Variants in BBOF1 observed in about 807,000 individuals in gnomAD.
BBOF1 encodes the protein basal body-orientation factor 1.
BBOF1 carries 62 observed loss-of-function variants against 68.0 expected under a neutral mutation model. The observed-to-expected ratio is 0.91, with a 90% CI of 0.74 to 1.13. The LOEUF (loss-of-function observed/expected upper bound fraction) is 1.13, where lower values mean the gene tolerates loss of function less well. Ranked by LOEUF, BBOF1 falls within the 50% of genes most tolerant of loss-of-function variation. The probability of loss-of-function intolerance (pLI) is 0.00; values close to 1 mark genes in which losing one functional copy is unlikely to be tolerated. For synonymous variants in BBOF1, 208 were observed against 198.8 expected (o/e 1.05, Z -0.39); for missense variants, 534 against 600.1 (o/e 0.89, Z 1.15).
intron 8 of BBOF1, 52 bp from the exon 9 acceptor site, chr14:74,055,532 C>T (rs941701159): frequency 6.1e-6 from 7 of 1,147,488 alleles, no homozygotes; most frequent in Non-Finnish European, 9.2e-6. Context: ...GAAGAGAAGC[C>T]TATTTGACCG....
intron 11 of BBOF1, among the ~76,000 whole-genome samples, chr14:74,061,596 G>A (rs899103124): frequency 6.6e-6 from 1 of 152,102 alleles, no homozygotes; most frequent in Admixed American, 6.6e-5. Flanking sequence ...AAAGTTCTGG[G>A]ATCACAGGCA....
In BBOF1 at chr14:74,029,235, GAGA is replaced by G; in HGVS notation, c.340_342del (p.Lys114del). ...TGAAACAAAGGAAAAAGCCCAAGAG[GAGA>G]AGGATAAATTGGTGAGTTATCTATG... On this transcript the variant is annotated inframe_deletion, in exon 3 of 12. Transcript: ENST00000394009. 1 of 1,560,180 alleles carries G rather than the reference GAGA, an allele frequency of 6.4e-7. No homozygotes were observed. Among genetic ancestry groups the G allele is most frequent in the African/African-American group, 1.4e-5 (1 of 73,806 alleles).
chr14:74,054,678 C>CTTTTT (rs551602396), intron 8 of BBOF1, among the ~76,000 whole-genome samples: 1 of 119,192 alleles, frequency 8.4e-6, no homozygotes, highest in Non-Finnish European at 1.7e-5. Context: ...CACCCAGGCT[C>CTTTTT]TTTTTTTTTT....
At chr14:74,034,309 G>T (rs2059647758) in intron 4 of BBOF1, 138 bp downstream of exon 4, 1 of 583,454 alleles carries the variant, frequency 1.7e-6, no homozygotes, top group Middle Eastern at 4.8e-4. Context: ...AGAGAAAAAG[G>T]AGAAGACAGA....
chr14:74,067,657 T>C, downstream of BBOF1: 1 of 1,376,054 alleles, frequency 7.3e-7, no homozygotes, highest in Non-Finnish European at 1.0e-6. Flanking sequence ...GTGTGGTGGC[T>C]AATGCCTGTA....
intron 2 of BBOF1, among the ~76,000 whole-genome samples, chr14:74,028,467 T>TACAC (rs34677110): frequency 0.04 from 5,523 of 138,194 alleles, 133 homozygotes; most frequent in African/African-American, 0.063. Context: ...ACTAAAGAAA[T>TACAC]ACACACACAC....
In BBOF1 at chr14:74,034,051, T is replaced by A; in HGVS notation, c.375T>A (p.Ile125=). ...AGGAACAAAAGTATACCAGGCAAAT[T>A]AATGAACTAGAGGGACAGTTCCATC... The part of the protein sequence containing the change: ...DKLEQKYTRQ[I]NELEGQFHQK... Residue 125 remains isoleucine, a synonymous_variant, in exon 4 of 12, where the codon ATT becomes ATA. Transcript: ENST00000394009. The A allele has an allele frequency of 6.3e-7, 1 of 1,599,256 alleles. No homozygotes were observed. The highest frequency in any genetic ancestry group is 1.1e-5 in the South Asian group (1 of 87,606).
intron 9 of BBOF1, among the ~76,000 whole-genome samples, chr14:74,077,069 T>C (rs1280364234): frequency 6.6e-6 from 1 of 152,152 alleles, no homozygotes; most frequent in East Asian, 1.9e-4. Context: ...AGATAGTCCT[T>C]CCAAATACCT....
intron 11 of BBOF1, among the ~76,000 whole-genome samples, chr14:74,061,253 C>T (rs1237994013): frequency 2.0e-5 from 3 of 152,004 alleles, no homozygotes; most frequent in African/African-American, 7.2e-5. Flanking sequence ...GCTGGAATTA[C>T]AAGTGTGAGC....
chr14:74,068,086 T>C (rs1283540812), downstream of BBOF1, among the ~76,000 whole-genome samples: 4 of 151,108 alleles, frequency 2.6e-5, no homozygotes, highest in African/African-American at 9.7e-5. Flanking sequence ...CCTCTTGATG[T>C]AGAATTTCAA....
At chr14:74,027,082 C>CTT (rs1189972161) in intron 2 of BBOF1, among the ~76,000 whole-genome samples, 1,872 of 88,214 alleles carry the variant, frequency 0.021, 26 homozygotes, top group East Asian at 0.04. Context: ...GAAAGGAAGC[C>CTT]TTTTTTTTTT....
chr14:74,037,249 A>G (rs2059725609), intron 4 of BBOF1, among the ~76,000 whole-genome samples: 2 of 138,004 alleles, frequency 1.4e-5, no homozygotes, highest in African/African-American at 5.4e-5. Flanking sequence ...CTGGGATTAC[A>G]GGTGTGAACC....
chr14:74,047,735 A>C (rs1042517914), intron 6 of BBOF1, among the ~76,000 whole-genome samples, 195 bp from the exon 7 acceptor site: 2 of 152,158 alleles, frequency 1.3e-5, no homozygotes, highest in African/African-American at 4.8e-5. Context: ...CACTGCATTC[A>C]GCCATTTTCA....
chr14:74,049,865 TAGAGAACCAAGCAGGTC>T lies in BBOF1; in HGVS notation c.959_975del (p.Glu320GlyfsTer4). 1 of 1,614,028 alleles carries T rather than the reference TAGAGAACCAAGCAGGTC, an allele frequency of 6.2e-7. No individual in the cohort carries two copies. Among genetic ancestry groups the T allele is most frequent in the Non-Finnish European group, 8.5e-7 (1 of 1,180,002 alleles). On this transcript the variant is annotated frameshift_variant, in exon 8 of 12. Coordinates refer to ENST00000394009, the MANE Select transcript of BBOF1 (RefSeq NM_025057.3). LOFTEE classifies it high-confidence loss of function. The stretch of plus-strand genomic sequence containing the variant: ...TTAAAACTGCAGCAACACGCAATGA[TAGAGAACCAAGCAGGTC>T]AGGTAGAAATTGACAAGCTGCAGCA...
At chr14:74,030,261 C>A (rs948017091) in intron 3 of BBOF1, among the ~76,000 whole-genome samples, 2 of 151,914 alleles carry the variant, frequency 1.3e-5, no homozygotes, top group African/African-American at 4.8e-5. Flanking sequence ...CTATATTGCC[C>A]AGGCTGGTCT....
rs1006631718 is a variant in BBOF1 at position 74,040,439 on chromosome 14, G to A, written c.496-126G>A. The A allele has an allele frequency of 1.3e-5, 8 of 613,914 alleles. No individual in the cohort carries two copies. The East Asian group carries it at 2.4e-4, about 18-fold the overall frequency. The allele number at this position is 613,914 out of a possible 1,614,324, so 38.0% of individuals were successfully genotyped here. On this transcript the variant is annotated intron_variant, in intron 4 of 11. Coordinates refer to ENST00000394009, the MANE Select transcript of BBOF1 (RefSeq NM_025057.3). ...GGAGGCAGGAACACAGATTTTTTCT[G>A]TGTGTTCAGGATTAAGAGGTAACAT...
At chr14:74,066,801 C>T (rs2060473915), downstream of BBOF1, 5 of 1,613,992 alleles carry the variant, frequency 3.1e-6, no homozygotes, top group South Asian at 5.5e-5. Context: ...AAGCTCCCTC[C>T]TTTGTTCCAC....
chr14:74,064,530 TGAAAGG>T (rs2060426812), intron 11 of BBOF1, among the ~76,000 whole-genome samples, 152 bp from the exon 12 acceptor site: 2 of 152,042 alleles, frequency 1.3e-5, no homozygotes, highest in African/African-American at 4.8e-5. Flanking sequence ...GTTAGTCAGA[TGAAAGG>T]GGAGAGATGG....
intron 9 of BBOF1, chr14:74,072,724 C>G (rs62005118): frequency 1.7e-6 from 2 of 1,199,738 alleles, no homozygotes; most frequent in East Asian, 2.5e-5. Context: ...AAGTTGATAA[C>G]GGAATCTTCT....
Sources: allele counts gnomAD v4.1 joint callset (sites outside exome capture counted in the v4.1 genomes callset), GRCh38; gene constraint gnomAD v4.1.1; transcripts MANE v1.5; gene names NCBI Gene and HGNC (gene_info 2026-07-23, HGNC 2026-07-21).